Variants in MARK4 observed in about 807,000 individuals in gnomAD.
The protein encoded by MARK4 is MAP/microtubule affinity-regulating kinase 4.
In MARK4, 19 loss-of-function variants were observed where a neutral mutation model predicts 81.5. That is an observed-to-expected ratio of 0.23 (90% CI 0.16 to 0.34). The LOEUF is 0.34. MARK4 is among the 10% of genes least tolerant of loss of function. MARK4 has a pLI of 1.00. For synonymous variants in MARK4, 436 were observed against 439.0 expected (o/e 0.99, Z 0.08); for missense variants, 772 against 1,058.8 (o/e 0.73, Z 3.76).
chr19:45,252,952 A>G (rs1049292914), intron 1 of MARK4, among the ~76,000 whole-genome samples: 4 of 150,316 alleles, frequency 2.7e-5, no homozygotes, highest in Admixed American at 2.6e-4. Context: ...TCTGACTTCC[A>G]CTGCCCCCAT....
rs982476215 is a variant in MARK4, at chr19:45,266,772, G to A, written c.549+491G>A. ...TTTTGAGACAGAGTCTCACTCTGTCGCCCTGGCTGGAGTGAAGTGGCGCGA... is the reference window on the plus strand; with the variant it reads ...TTTTGAGACAGAGTCTCACTCTGTCACCCTGGCTGGAGTGAAGTGGCGCGA... On this transcript the variant is annotated intron_variant, in intron 7 of 16. Coordinates refer to ENST00000262891, the MANE Select transcript of MARK4 (RefSeq NM_001199867.2). Among the ~76,000 whole-genome samples, 9 of 140,104 alleles carry A rather than the reference G, an allele frequency of 6.4e-5. 1 individual carries two copies. Among genetic ancestry groups the A allele is most frequent in the Admixed American group, 6.2e-4 (8 of 12,912 alleles). The allele number at this position is 140,104 out of a possible 152,430, so 91.9% of individuals were successfully genotyped here. A position where few individuals can be genotyped will look rare whatever the true frequency, so the allele number is the denominator to read the frequency against.
At position 45,271,688 on chromosome 19, in the gene MARK4, T is replaced by A; in HGVS notation, c.766T>A (p.Phe256Ile). The part of the protein sequence containing the change: ...LYTLVSGSLP[F>I]DGHNLKELRE... ...CACCCTCGTCAGCGGCTCCCTGCCC[T>A]TCGACGGGCACAACCTCAAGGTACC... Residue 256 changes from phenylalanine to isoleucine, a missense_variant, in exon 8 of 17, where the codon TTC becomes ATC. Phe to Ile is a conservative substitution (Grantham distance 21, BLOSUM62 0). Transcript: ENST00000262891. The surrounding 1 kb of genome is among the most constrained non-coding windows in gnomAD (Gnocchi z 4.1). 1 of 1,614,088 alleles carries A rather than the reference T, an allele frequency of 6.2e-7. No individual in the cohort carries two copies. Among genetic ancestry groups the A allele is most frequent in the Non-Finnish European group, 8.5e-7 (1 of 1,179,994 alleles).
chr19:45,299,795 C>A lies in MARK4; in HGVS notation c.1878-16C>A. 6.3e-7 allele frequency: 1 copy of A among 1,589,358 alleles called. No individual in the cohort carries two copies. The highest frequency in any genetic ancestry group is 8.6e-7 in the Non-Finnish European group (1 of 1,163,558). On this transcript the variant is annotated splice_polypyrimidine_tract_variant and intron_variant, in intron 15 of 16. Coordinates refer to ENST00000262891, the MANE Select transcript of MARK4 (RefSeq NM_001199867.2). Reference sequence around the variant, plus strand: ...TATGTCCAGATTAGACACTCTGTCCCCCTCCCCTCCCCTAGGGTCGCAGAC... The same window carrying A: ...TATGTCCAGATTAGACACTCTGTCCACCTCCCCTCCCCTAGGGTCGCAGAC...
At chr19:45,273,631 C>G (rs1970560861) in intron 8 of MARK4, among the ~76,000 whole-genome samples, 1 of 152,174 alleles carries the variant, frequency 6.6e-6, no homozygotes, top group Admixed American at 6.6e-5. Flanking sequence ...ATGACATTGA[C>G]ATTATCGATT....
At chr19:45,299,471 ATG>A (rs1413381426) in intron 15 of MARK4, among the ~76,000 whole-genome samples, 2 of 152,212 alleles carry the variant, frequency 1.3e-5, no homozygotes, top group East Asian at 3.9e-4. Context: ...CAAAGCATGA[ATG>A]TATATGTGAG....
chr19:45,266,197 A>G lies in MARK4; in HGVS notation c.493-28A>G. 3 of 1,613,368 alleles carry G rather than the reference A, an allele frequency of 1.9e-6. No homozygotes were observed. The East Asian group carries it at 6.7e-5, about 36-fold the overall frequency. ...GAGGCTGAGGGTTTTGGGAGCCACA[A>G]ATAACCAACCTTCCCCTTCCCTCCC... is the stretch of plus-strand genomic sequence containing the variant. On this transcript the variant is annotated intron_variant, in intron 6 of 16. Transcript: ENST00000262891.
At chr19:45,300,003 C>A in intron 16 of MARK4, 148 bp downstream of exon 16, 1 of 612,826 alleles carries the variant, frequency 1.6e-6, no homozygotes, top group Non-Finnish European at 2.6e-6. Context: ...CCTTCTCTGC[C>A]AGCTCCTCTC....
At chr19:45,277,820 AG>A in intron 8 of MARK4, 102 bp from the exon 9 acceptor site, 1 of 1,204,690 alleles carries the variant, frequency 8.3e-7, no homozygotes, top group Non-Finnish European at 1.1e-6. Context: ...GTTGGGACAA[AG>A]GTTGTGTGTG....
At chr19:45,287,845 A>G (rs1970766850) in intron 13 of MARK4, 181 bp downstream of exon 13, 1 of 709,202 alleles carries the variant, frequency 1.4e-6, no homozygotes, top group Non-Finnish European at 2.5e-6. Context: ...TTTATACACT[A>G]ACATTTGATG....
At chr19:45,263,783 A>G (rs1370532666) in intron 4 of MARK4, among the ~76,000 whole-genome samples, 2 of 151,296 alleles carry the variant, frequency 1.3e-5, no homozygotes, top group Non-Finnish European at 2.9e-5. Context: ...CTGGTTTCTC[A>G]TAGTTGCATC....
chr19:45,287,206 A>C (rs1970753996), intron 12 of MARK4, among the ~76,000 whole-genome samples: 1 of 151,130 alleles, frequency 6.6e-6, no homozygotes, highest in Admixed American at 6.6e-5. Flanking sequence ...TTGTCTCAAA[A>C]AAAAAAAAAA....
chr19:45,284,228 G>C (rs552554274), intron 12 of MARK4, among the ~76,000 whole-genome samples: 2 of 151,898 alleles, frequency 1.3e-5, no homozygotes, highest in African/African-American at 4.8e-5. Flanking sequence ...GGCTGGTCTT[G>C]AATTCCTGAC....
intron 15 of MARK4, 104 bp from the exon 16 acceptor site, chr19:45,299,707 C>T (rs1970941456): frequency 8.1e-6 from 8 of 991,038 alleles, no homozygotes; most frequent in Non-Finnish European, 1.2e-5. Flanking sequence ...CCCGGAGGGA[C>T]TGGGGTTGAG....
intron 12 of MARK4, among the ~76,000 whole-genome samples, chr19:45,286,399 TAAAC>T (rs887895149): frequency 2.7e-5 from 4 of 146,764 alleles, no homozygotes; most frequent in African/African-American, 9.9e-5. Context: ...ATTTTATTCA[TAAAC>T]AAACATGTAA....
rs1970638750 is a variant in MARK4 at position 45,279,063 on chromosome 19, T to A, written c.1006+448T>A. On this transcript the variant is annotated intron_variant, in intron 10 of 16. Coordinates refer to ENST00000262891, the MANE Select transcript of MARK4 (RefSeq NM_001199867.2). ...GGGAGACCCTGTCTGTACAAAAAAA[T>A]AAAAATAAAAAATTAGCCAGTTGTG... Among the ~76,000 whole-genome samples, 3 of 145,262 alleles carry A rather than the reference T, an allele frequency of 2.1e-5. No individual in the cohort carries two copies. The South Asian group carries it at 6.6e-4, about 32-fold the overall frequency.
At position 45,297,766 on chromosome 19, in the gene MARK4, C is replaced by A; in HGVS notation, c.1689C>A (p.Ser563=). Residue 563 remains serine (S), a synonymous_variant, in exon 15 of 17, where the codon TCC becomes TCA. Coordinates refer to ENST00000262891, the MANE Select transcript of MARK4 (RefSeq NM_001199867.2). ...AGCGGAGCCGCCTGGCACGTGGTTC[C>A]ACCATCCGCAGCACCTTCCATGGTG... ...SGERSRLARG[S]TIRSTFHGGQ... 6.3e-7 allele frequency: 1 copy of A among 1,580,082 alleles called. No homozygotes were observed. The highest frequency in any genetic ancestry group is 8.6e-7 in the Non-Finnish European group (1 of 1,166,512).
At chr19:45,263,586 A>T (rs1448097762) in intron 4 of MARK4, among the ~76,000 whole-genome samples, 1 of 152,044 alleles carries the variant, frequency 6.6e-6, no homozygotes, top group East Asian at 1.9e-4. Context: ...TACTGAAAAT[A>T]CAAAAATTAG....
Position 45,274,249 on chromosome 19 carries a change from AAAAC to A in MARK4, c.786+2553_786+2556del, listed in dbSNP as rs571989047. ...GGGCAACAGAGCGAGACTCCATCTC[AAAAC>A]AAACAAACAAAAAAGATGATACCAA... On this transcript the variant is annotated intron_variant, in intron 8 of 16. Transcript: ENST00000262891. Among the ~76,000 whole-genome samples, 61 of 152,088 alleles carry A rather than the reference AAAAC, an allele frequency of 4.0e-4. No individual in the cohort carries two copies. The East Asian group carries it at 7.9e-3, about 20-fold the overall frequency.
Position 45,284,153 on chromosome 19 carries a change from T to C in MARK4, c.1277-3294T>C, listed in dbSNP as rs1970712614. 2.0e-5 allele frequency among the ~76,000 whole-genome samples: 3 copies of C among 151,512 alleles called. No homozygotes were observed. The South Asian group carries it at 6.2e-4, about 32-fold the overall frequency. On this transcript the variant is annotated intron_variant, in intron 12 of 16. Transcript: ENST00000262891. ...CTGCCTCAGGCCCCCGAGCTGGAAT[T>C]ACAAGCCACCTTGCCCAGCTAATTT... is the stretch of plus-strand genomic sequence containing the variant.
Sources: gnomAD v4.1 joint callset for allele counts (sites outside exome capture counted in the v4.1 genomes callset) on GRCh38, gnomAD v4.1.1 for gene constraint, Gnocchi (gnomAD v3.1) non-coding constraint, MANE v1.5 for transcripts, NCBI Gene and HGNC (gene_info 2026-07-23, HGNC 2026-07-21) for gene names.